ANGPTL7: variants seen among roughly 807,000 people sequenced by gnomAD.
ANGPTL7 encodes angiopoietin like 7, also known as angiopoietin-related protein 7.
Under a neutral mutation model 38.8 loss-of-function variants are expected in ANGPTL7, and 37 were observed. The ratio of observed to expected loss-of-function variants is 0.95; its 90% confidence interval spans 0.73 to 1.25. ANGPTL7 has a LOEUF of 1.25. Among genes scored for constraint, ANGPTL7 ranks in the 50% most tolerant of loss-of-function variants. ANGPTL7 has a pLI of 0.00. For missense variants in ANGPTL7, 427 were observed against 438.6 expected (o/e 0.97, Z 0.24); for synonymous variants, 166 against 163.2 (o/e 1.02, Z -0.13).
chr1:11,193,001 C>T (rs1405011404), intron 2 of ANGPTL7, among the ~76,000 whole-genome samples: 3 of 152,004 alleles, frequency 2.0e-5, no homozygotes, highest in South Asian at 2.1e-4. Flanking sequence ...AAAGAAAACA[C>T]GAAGGCAGCA....
In ANGPTL7 at chr1:11,193,676, A is replaced by C. The variant is rs148938543; in HGVS notation, c.574A>C (p.Lys192Gln). The change falls in exon 3 of 5, where the codon AAG (lysine) becomes CAG (glutamine). Residue 192 changes from lysine (K) to glutamine (Q), a missense_variant. Lys to Gln is a moderately conservative substitution (Grantham distance 53). Coordinates refer to ENST00000376819, the MANE Select transcript of ANGPTL7 (RefSeq NM_021146.4). The part of the protein sequence containing the change: ...VSFYRDWKQY[K>Q]QGFGSIRGDF... The stretch of plus-strand genomic sequence containing the variant: ...CTTCTACCGGGACTGGAAGCAGTAC[A>C]AGCAGGGCTTTGGCAGCATCCGTGG... The C allele has an allele frequency of 3.3e-5, 54 of 1,614,010 alleles. No individual in the cohort carries two copies. In the African/African-American group the frequency reaches 5.9e-4, roughly 18 times the overall value.
intron 2 of ANGPTL7, 112 bp from the exon 3 acceptor site, chr1:11,193,468 A>C: frequency 4.5e-6 from 4 of 889,040 alleles, no homozygotes; most frequent in Non-Finnish European, 5.0e-6. Flanking sequence ...TGACTGCGGG[A>C]GTGCACACAT....
At chr1:11,192,247 C>T (rs1645567186) in intron 1 of ANGPTL7, 23 bp from the exon 2 acceptor site, 1 of 1,567,888 alleles carries the variant, frequency 6.4e-7, no homozygotes, top group South Asian at 1.1e-5. Flanking sequence ...TAAATGCTCA[C>T]CCTGTGGTTT....
In ANGPTL7 at chr1:11,194,478, G is replaced by A. The variant is rs748136366; in HGVS notation, c.690G>A (p.Leu230=). ...RVEMEDWEGN[L]RYAEYSHFVL... is the part of the protein sequence containing the mutation. ...CCTGACAGGACTGGGAGGGCAACCT[G>A]CGCTACGCTGAGTATAGCCACTTTG... is the stretch of plus-strand genomic sequence containing the variant. The change falls in exon 4 of 5, where the codon CTG becomes CTA. Residue 230 remains leucine, a synonymous_variant. Coordinates refer to ENST00000376819, the MANE Select transcript of ANGPTL7 (RefSeq NM_021146.4). 3.7e-6 allele frequency: 6 copies of A among 1,614,080 alleles called. No individual in the cohort carries two copies. Among genetic ancestry groups the A allele is most frequent in the Non-Finnish European group, 5.1e-6 (6 of 1,180,036 alleles).
chr1:11,192,748 T>TAA (rs56996673), intron 2 of ANGPTL7, among the ~76,000 whole-genome samples: 77 of 119,226 alleles, frequency 6.5e-4, no homozygotes, highest in African/African-American at 2.3e-3. Context: ...CCATTTCAAT[T>TAA]AAAAAAAAAA....
chr1:11,194,571 C>G lies in ANGPTL7; in HGVS notation c.783C>G (p.Asp261Glu). The G allele has an allele frequency of 6.2e-7, 1 of 1,614,160 alleles. No individual in the cohort carries two copies. Among genetic ancestry groups the G allele is most frequent in the Non-Finnish European group, 8.5e-7 (1 of 1,180,028 alleles). Residue 261 changes from aspartate (D) to glutamate (E), a missense_variant, in exon 4 of 5, where the codon GAC becomes GAG. Physicochemically the swap from Asp to Glu is conservative, Grantham distance 45 (BLOSUM62 2). Coordinates refer to ENST00000376819, the MANE Select transcript of ANGPTL7 (RefSeq NM_021146.4). ...ACTACACTGGCAATGTGGGGAACGA[C>G]GCCCTCCAGTATCATAACAACACAG... ...LGNYTGNVGN[D>E]ALQYHNNTAF...
chr1:11,189,636 T>C lies in ANGPTL7; in HGVS notation c.57T>C (p.Phe19=). The C allele has an allele frequency of 6.2e-7, 1 of 1,614,060 alleles. No homozygotes were observed. Among genetic ancestry groups the C allele is most frequent in the African/African-American group, 1.3e-5 (1 of 75,024 alleles). ...GGCTCTGCATTTTCATCGTGGCCTTTGTCAGCCACCCAGCGTGGCTGCAGA... is the reference window on the plus strand; with the variant it reads ...GGCTCTGCATTTTCATCGTGGCCTTCGTCAGCCACCCAGCGTGGCTGCAGA... ...VTWLCIFIVA[F]VSHPAWLQKL... The change falls in exon 1 of 5, where the codon TTT becomes TTC. Residue 19 remains phenylalanine, a synonymous_variant. Coordinates refer to ENST00000376819, the MANE Select transcript of ANGPTL7 (RefSeq NM_021146.4).
rs28991007 is a variant in ANGPTL7 at position 11,193,367 on chromosome 1, G to A, written c.478-213G>A. Reference sequence around the variant, plus strand: ...CCAAGCTTCATGTGCACTCACCCCCGGGCCCAATTTGCATCGTTCTTCCAG... The same window carrying A: ...CCAAGCTTCATGTGCACTCACCCCCAGGCCCAATTTGCATCGTTCTTCCAG... On this transcript the variant is annotated intron_variant, in intron 2 of 4. Transcript: ENST00000376819. Among the ~76,000 whole-genome samples, 222 of 151,244 alleles carry A rather than the reference G, an allele frequency of 1.5e-3. 1 individual carries two copies. The highest frequency in any genetic ancestry group is 2.4e-3 in the Non-Finnish European group (165 of 67,876).
chr1:11,193,105 T>G (rs978553004), intron 2 of ANGPTL7, among the ~76,000 whole-genome samples: 2 of 151,876 alleles, frequency 1.3e-5, no homozygotes, highest in Non-Finnish European at 2.9e-5. Flanking sequence ...TCACCTGAGG[T>G]CAGGACTTTG....
rs1645705376 is a variant in ANGPTL7, at chr1:11,194,603, G to A, written c.815G>A (p.Ser272Asn). The A allele has an allele frequency of 1.2e-6, 2 of 1,614,176 alleles. No homozygotes were observed. The change falls in exon 4 of 5, where the codon AGC becomes AAC. Residue 272 changes from serine to asparagine, a missense_variant. By Grantham distance (46) the Ser-to-Asn change is conservative. Coordinates refer to ENST00000376819, the MANE Select transcript of ANGPTL7 (RefSeq NM_021146.4). Reference sequence around the variant, plus strand: ...CAGTATCATAACAACACAGCCTTCAGCACCAAGGACAAGGACAATGACAAC... The same window carrying A: ...CAGTATCATAACAACACAGCCTTCAACACCAAGGACAAGGACAATGACAAC... ...ALQYHNNTAF[S>N]TKDKDNDNCL...
At chr1:11,194,004 A>T (rs1645672352) in intron 3 of ANGPTL7, among the ~76,000 whole-genome samples, 1 of 152,208 alleles carries the variant, frequency 6.6e-6, no homozygotes, top group Admixed American at 6.5e-5. Context: ...AAGAGGCCAG[A>T]CCCAGGCCAG....
Position 11,194,943 on chromosome 1 carries a change from ACCTGGT to A in ANGPTL7, c.962_967del (p.Thr321_Tyr323delinsAsn), listed in dbSNP as rs1645724799. 6.2e-7 allele frequency: 1 copy of A among 1,614,104 alleles called. No homozygotes were observed. Among genetic ancestry groups the A allele is most frequent in the East Asian group, 2.2e-5 (1 of 44,876 alleles). On this transcript the variant is annotated inframe_deletion, in exon 5 of 5. Transcript: ENST00000376819. ...GCACAATAAGCACCTGGATGGCATC[ACCTGGT>A]ATGGCTGGCATGGATCTACCTACTC...
chr1:11,192,315 T>C lies in ANGPTL7; in HGVS notation c.422T>C (p.Ile141Thr). ...CSSLYQKNYR[I>T]SGVYKLPPDD... ...TCCCTCTACCAGAAGAACTACCGCA[T>C]CTCTGGAGTGTATAAGCTTCCTCCT... Residue 141 changes from isoleucine to threonine, a missense_variant, in exon 2 of 5, where the codon ATC becomes ACC. Physicochemically the swap from Ile to Thr is moderately conservative, Grantham distance 89. Coordinates refer to ENST00000376819, the MANE Select transcript of ANGPTL7 (RefSeq NM_021146.4). The C allele has an allele frequency of 6.2e-7, 1 of 1,614,052 alleles. No homozygotes were observed. Among genetic ancestry groups the C allele is most frequent in the Non-Finnish European group, 8.5e-7 (1 of 1,179,996 alleles).
At chr1:11,191,024 C>T (rs901019271) in intron 1 of ANGPTL7, among the ~76,000 whole-genome samples, 2 of 152,180 alleles carry the variant, frequency 1.3e-5, no homozygotes, top group Non-Finnish European at 2.9e-5. Context: ...TATTCTCAGG[C>T]CATTTTCCAG....
Position 11,192,326 on chromosome 1 carries a change from T to C in ANGPTL7, c.433T>C (p.Tyr145His). 6.2e-7 allele frequency: 1 copy of C among 1,614,108 alleles called. No homozygotes were observed. Among genetic ancestry groups the C allele is most frequent in the Non-Finnish European group, 8.5e-7 (1 of 1,180,014 alleles). ...GAAGAACTACCGCATCTCTGGAGTG[T>C]ATAAGCTTCCTCCTGATGACTTCCT... The part of the protein sequence containing the change: ...YQKNYRISGV[Y>H]KLPPDDFLGS... The change falls in exon 2 of 5, where the codon TAT becomes CAT. Residue 145 changes from tyrosine to histidine, a missense_variant. Transcript: ENST00000376819.
In ANGPTL7 at chr1:11,192,341, G is replaced by C. The variant is rs1198897820; in HGVS notation, c.448G>C (p.Asp150His). 6.2e-7 allele frequency: 1 copy of C among 1,613,962 alleles called. No individual in the cohort carries two copies. Among genetic ancestry groups the C allele is most frequent in the Admixed American group, 1.7e-5 (1 of 60,024 alleles). Reference sequence around the variant, plus strand: ...CTCTGGAGTGTATAAGCTTCCTCCTGATGACTTCCTGGGCAGCCCTGAACT... The same window carrying C: ...CTCTGGAGTGTATAAGCTTCCTCCTCATGACTTCCTGGGCAGCCCTGAACT... ...RISGVYKLPPDDFLGSPELEV... is the reference protein window; with the variant it reads ...RISGVYKLPPHDFLGSPELEV... The change falls in exon 2 of 5, where the codon GAT (aspartate) becomes CAT (histidine). Residue 150 changes from aspartate to histidine, a missense_variant. Physicochemically the swap from Asp to His is moderately conservative, Grantham distance 81 (BLOSUM62 -1). Transcript: ENST00000376819.
chr1:11,190,428 T>C (rs1326413708), intron 1 of ANGPTL7, among the ~76,000 whole-genome samples: 1 of 152,186 alleles, frequency 6.6e-6, no homozygotes, highest in African/African-American at 2.4e-5. Context: ...TTGTGTCCTC[T>C]CTCTGTAAAC....
rs1371841245 is a variant in ANGPTL7, at chr1:11,189,940, A to T, written c.361A>T (p.Thr121Ser). Reference protein sequence around the residue: ...IMQLQAAQTVTQTSADAIYDC... With the variant: ...IMQLQAAQTVSQTSADAIYDC... ...GCAGCTGCAGGCAGCACAGACGGTC[A>T]CTCAGACCTCCGCAGGTAAGGAGAC... Residue 121 changes from threonine (T) to serine (S), a missense_variant, in exon 1 of 5, where the codon ACT becomes TCT. Thr to Ser is a moderately conservative substitution (Grantham distance 58, BLOSUM62 1). Transcript: ENST00000376819. 1.2e-6 allele frequency: 2 copies of T among 1,610,798 alleles called. No homozygotes were observed. The highest frequency in any genetic ancestry group is 3.3e-5 in the Admixed American group (2 of 59,900).
rs773327829 is a variant in ANGPTL7 at position 11,189,604 on chromosome 1, G to A, written c.25G>A (p.Val9Met). The A allele has an allele frequency of 6.2e-7, 1 of 1,612,506 alleles. No homozygotes were observed. Among genetic ancestry groups the A allele is most frequent in the East Asian group, 2.2e-5 (1 of 44,860 alleles). ...GATGCTGAAAAAGCCTCTCTCAGCT[G>A]TGACCTGGCTCTGCATTTTCATCGT... Reference protein sequence around the residue: MLKKPLSAVTWLCIFIVAF... With the variant: MLKKPLSAMTWLCIFIVAF... The change falls in exon 1 of 5, where the codon GTG (valine) becomes ATG (methionine). Residue 9 changes from valine to methionine, a missense_variant. Val to Met is a conservative substitution (Grantham distance 21). Transcript: ENST00000376819.
Sources: gnomAD v4.1 joint callset for allele counts (sites outside exome capture counted in the v4.1 genomes callset) on GRCh38, gnomAD v4.1.1 for gene constraint, MANE v1.5 for transcripts, NCBI Gene and HGNC (gene_info 2026-07-23, HGNC 2026-07-21) for gene names.